Variants in XKR9 observed in about 807,000 individuals in gnomAD.
The protein encoded by XKR9 is XK related 9.
A neutral mutation model predicts 32.0 loss-of-function variants in XKR9; 32 were observed. That is an observed-to-expected ratio of 1.00 (90% CI 0.76 to 1.34). The LOEUF (loss-of-function observed/expected upper bound fraction) is 1.34. Ranked by LOEUF, XKR9 falls within the 40% of genes most tolerant of loss-of-function variation. The probability of loss-of-function intolerance (pLI) is 0.00; values close to 1 mark genes in which losing one functional copy is unlikely to be tolerated. For missense variants in XKR9, 546 were observed against 429.7 expected (o/e 1.27, Z -2.39); for synonymous variants, 168 against 143.4 (o/e 1.17, Z -1.22).
the XKR9 span, among the ~76,000 whole-genome samples, chr8:70,874,687 C>A: frequency 2.0e-5 from 3 of 152,200 alleles, no homozygotes; most frequent in Admixed American, 6.5e-5. Context: ...GACTTCGTAT[C>A]TGAAAAGCTT....
At chr8:70,799,321 A>G in the XKR9 span, among the ~76,000 whole-genome samples, 1 of 151,780 alleles carries the variant, frequency 6.6e-6, no homozygotes, top group Admixed American at 6.6e-5. Context: ...ATTGTGAATG[A>G]GATTGCATTT....
At chr8:70,698,273 T>A (rs1805368639) in intron 3 of XKR9, among the ~76,000 whole-genome samples, 3 of 152,168 alleles carry the variant, frequency 2.0e-5, no homozygotes, top group Non-Finnish European at 4.4e-5. Flanking sequence ...TTAATTGTGA[T>A]GTTAGGGTGT....
chr8:70,894,470 T>C, the XKR9 span, among the ~76,000 whole-genome samples: 5 of 152,094 alleles, frequency 3.3e-5, no homozygotes, highest in Non-Finnish European at 7.4e-5. Flanking sequence ...TGGGATGTAA[T>C]GTACTGTGTC....
At chr8:70,701,272 T>G (rs1252034892) in intron 3 of XKR9, among the ~76,000 whole-genome samples, 1 of 152,240 alleles carries the variant, frequency 6.6e-6, no homozygotes, top group Non-Finnish European at 1.5e-5. Context: ...TCACCCATCT[T>G]CTGCGTCACT....
At chr8:71,045,355 G>A in the XKR9 span, among the ~76,000 whole-genome samples, 1 of 152,218 alleles carries the variant, frequency 6.6e-6, no homozygotes, top group Middle Eastern at 3.4e-3. Flanking sequence ...ATCCTAAAGT[G>A]GAGAAAGAGC....
chr8:70,997,951 G>C, the XKR9 span, among the ~76,000 whole-genome samples: 3 of 152,246 alleles, frequency 2.0e-5, no homozygotes, highest in African/African-American at 7.2e-5. Flanking sequence ...CATTTGGTGA[G>C]CAGAAATTCC....
intron 3 of XKR9, among the ~76,000 whole-genome samples, chr8:70,702,417 G>A (rs1563434148): frequency 6.6e-6 from 1 of 152,090 alleles, no homozygotes; most frequent in Non-Finnish European, 1.5e-5. Flanking sequence ...TGAACGTAAT[G>A]TTCTATAAAT....
chr8:70,843,754 A>G, the XKR9 span, among the ~76,000 whole-genome samples: 2 of 152,168 alleles, frequency 1.3e-5, no homozygotes, highest in Non-Finnish European at 2.9e-5. Flanking sequence ...TAGGAATGGC[A>G]TAGTGACCTG....
chr8:70,956,712 G>A, the XKR9 span, among the ~76,000 whole-genome samples: 1 of 152,282 alleles, frequency 6.6e-6, no homozygotes, highest in Admixed American at 6.5e-5. Context: ...TAGGATGGGG[G>A]CTAGTGTGTC....
chr8:71,009,949 T>C, the XKR9 span, among the ~76,000 whole-genome samples: 38 of 152,214 alleles, frequency 2.5e-4, no homozygotes, highest in Non-Finnish European at 5.3e-4. Flanking sequence ...GTGCAGCCCA[T>C]GCAAACAAAG....
chr8:70,723,253 A>C (rs1408921323), intron 4 of XKR9, among the ~76,000 whole-genome samples: 1 of 152,104 alleles, frequency 6.6e-6, no homozygotes, highest in Non-Finnish European at 1.5e-5. Context: ...ATGCTCCTTT[A>C]GCTCAGAGGA....
the XKR9 span, among the ~76,000 whole-genome samples, chr8:71,018,334 A>C: frequency 6.6e-6 from 1 of 152,346 alleles, no homozygotes; most frequent in African/African-American, 2.4e-5. Context: ...CAAATTTAAC[A>C]ATTTGAAGAG....
chr8:70,764,779 C>T (rs1422282567), intron 2 of XKR9, among the ~76,000 whole-genome samples: 1 of 152,012 alleles, frequency 6.6e-6, no homozygotes, highest in Admixed American at 6.6e-5. Context: ...GTGTGATGTT[C>T]CTCTCCGTGT....
chr8:70,687,454 C>T (rs150076529), intron 3 of XKR9, among the ~76,000 whole-genome samples: 18 of 151,864 alleles, frequency 1.2e-4, no homozygotes, highest in African/African-American at 3.6e-4. Flanking sequence ...ATTATAACCT[C>T]GAACTCCTGG....
chr8:70,911,005 ACT>A, the XKR9 span, among the ~76,000 whole-genome samples: 1 of 151,854 alleles, frequency 6.6e-6, no homozygotes, highest in African/African-American at 2.4e-5. Context: ...TTCTCTTTTG[ACT>A]CTGTCTGCTT....
the XKR9 span, among the ~76,000 whole-genome samples, chr8:70,891,548 A>G: frequency 1.3e-5 from 2 of 151,900 alleles, no homozygotes; most frequent in Non-Finnish European, 2.9e-5. Context: ...TAATTGACTC[A>G]TTGGACATTC....
the XKR9 span, among the ~76,000 whole-genome samples, chr8:70,843,622 T>C: frequency 4.6e-5 from 7 of 151,954 alleles, no homozygotes; most frequent in East Asian, 1.9e-4. Flanking sequence ...AAAGCAAAGA[T>C]TGGATGGGAA....
At chr8:70,825,245 C>T in the XKR9 span, among the ~76,000 whole-genome samples, 1,715 of 152,190 alleles carry the variant, frequency 0.011, 22 homozygotes, top group Middle Eastern at 0.024. Flanking sequence ...AGACTTGATT[C>T]TTTCCACTGG....
At chr8:70,814,503 A>G in the XKR9 span, among the ~76,000 whole-genome samples, 1 of 151,840 alleles carries the variant, frequency 6.6e-6, no homozygotes, top group Non-Finnish European at 1.5e-5. Context: ...GAAAAAAAAA[A>G]CTACATCATC....
Sources: gnomAD v4.1 joint callset for allele counts (sites outside exome capture counted in the v4.1 genomes callset) on GRCh38, gnomAD v4.1.1 for gene constraint, MANE v1.5 for transcripts, NCBI Gene and HGNC (gene_info 2026-07-23, HGNC 2026-07-21) for gene names.